The following LRAT variants were observed in gnomAD, a reference collection of about 807,000 sequenced individuals.
LRAT encodes the protein lecithin retinol acyltransferase, also known as lecithin retinol acyltransferase (phosphatidylcholine--retinol O-acyltransferase).
In LRAT, 11 loss-of-function variants were observed where a neutral mutation model predicts 14.2. The ratio of observed to expected loss-of-function variants is 0.78; its 90% confidence interval spans 0.49 to 1.29. LRAT has a LOEUF of 1.29. Among genes scored for constraint, LRAT ranks in the 50% most tolerant of loss-of-function variants. LRAT has a pLI of 0.00. For synonymous variants in LRAT, 144 were observed against 124.8 expected, an observed-to-expected ratio of 1.15 and a Z score of -1.03; for missense variants, 274 against 292.4, an observed-to-expected ratio of 0.94 and a Z score of 0.46.
Position 154,750,072 on chromosome 4 carries a change from T to C in LRAT, c.*936T>C. The C allele has an allele frequency of 6.6e-6, 1 of 152,164 alleles. No individual in the cohort carries two copies. The highest frequency in any genetic ancestry group is 1.9e-4 in the East Asian group (1 of 5,202). 9.4% of individuals were successfully genotyped at this position (152,164 alleles called of 1,614,324 possible). On this transcript the variant is annotated 3_prime_UTR_variant, in exon 3 of 3. Coordinates refer to ENST00000336356, the MANE Select transcript of LRAT (RefSeq NM_004744.5). The stretch of plus-strand genomic sequence containing the variant: ...AAAGTAAGTCCAATCTATTTTCTTA[T>C]GTCATTGAATTTGTAGTGTTAACTT...
In LRAT at chr4:154,744,971, C is replaced by A. The variant is rs1732852697; in HGVS notation, c.540+105C>A. 9 of 1,000,324 alleles carry A rather than the reference C, an allele frequency of 9.0e-6. No homozygotes were observed. In the Admixed American group the frequency reaches 1.1e-4, roughly 12 times the overall value. 62.0% of individuals were successfully genotyped at this position (1,000,324 alleles called of 1,614,324 possible). ...GTAGGGATCTAATTCCTGGACACCT[C>A]CCCTACCACTTCCATACCATCCTTT... On this transcript the variant is annotated intron_variant, in intron 2 of 2. Transcript: ENST00000336356.
chr4:154,744,936 T>G, intron 2 of LRAT, 70 bp downstream of exon 2: 42 of 1,486,176 alleles, frequency 2.8e-5, no homozygotes, highest in Non-Finnish European at 3.4e-5. Flanking sequence ...ACCTTTTCTC[T>G]TCCCCGCGAG....
rs1285625830 is a variant in LRAT at position 154,744,855 on chromosome 4, C to T, written c.529C>T (p.Gln177Ter). ...YCRYGTPISPQSDKFCETVKI... is the reference protein window; with the variant it reads ...YCRYGTPISP ...CAGATATGGCACCCCGATCAGTCCCCAGTCCGACAAGGTATGATGTGTGAC... is the reference window on the plus strand; with the variant it reads ...CAGATATGGCACCCCGATCAGTCCCTAGTCCGACAAGGTATGATGTGTGAC... Residue 177 changes from glutamine to a stop codon, truncating the protein, a stop_gained, in exon 2 of 3, where the codon CAG becomes TAG. Coordinates refer to ENST00000336356, the MANE Select transcript of LRAT (RefSeq NM_004744.5). LOFTEE classifies it high-confidence loss of function. 1 of 1,613,386 alleles carries T rather than the reference C, an allele frequency of 6.2e-7. No individual in the cohort carries two copies. Among genetic ancestry groups the T allele is most frequent in the Admixed American group, 1.7e-5 (1 of 60,014 alleles).
chr4:154,743,874 C>T (rs1482836513), upstream of LRAT: 3 of 148,874 alleles, frequency 2.0e-5, no homozygotes, highest in Admixed American at 6.7e-5. Flanking sequence ...ACCGGGATCC[C>T]GCGTCCTCCC....
rs1208290205 is a variant in LRAT at position 154,752,331 on chromosome 4, G to A, written c.*3195G>A. On this transcript the variant is annotated 3_prime_UTR_variant, in exon 3 of 3. Transcript: ENST00000336356. ...GGCACATAGCTGTGAGGTACCCTAT[G>A]AGTTGTTGACTTGAAAACATGGAAC... 1 of 152,210 alleles carries A rather than the reference G, an allele frequency of 6.6e-6. No homozygotes were observed. The highest frequency in any genetic ancestry group is 1.9e-4 in the East Asian group (1 of 5,188). The allele number at this position is 152,210 out of a possible 1,614,324, so 9.4% of individuals were successfully genotyped here. A position where few individuals can be genotyped will look rare whatever the true frequency, so the allele number is the denominator to read the frequency against.
intron 2 of LRAT, chr4:154,748,492 T>A: frequency 1.6e-6 from 1 of 642,730 alleles, no homozygotes; most frequent in Non-Finnish European, 1.9e-6. Context: ...ACAATAAAAT[T>A]AGACTTTCTA....
chr4:154,745,062 A>G lies in LRAT; in HGVS notation c.540+196A>G, dbSNP rs529550545. Among the ~76,000 whole-genome samples, 205 of 118,032 alleles carry G rather than the reference A, an allele frequency of 1.7e-3. 2 individuals carry two copies. Among genetic ancestry groups the G allele is most frequent in the Non-Finnish European group, 9.1e-4 (57 of 62,424 alleles). The allele number at this position is 118,032 out of a possible 152,430, so 77.4% of individuals were successfully genotyped here. ...GAGACGGAGTCTCGCTCTGTTGCTCAGGCTGGAGTGCAGTGGCGCGATCTC... is the reference window on the plus strand; with the variant it reads ...GAGACGGAGTCTCGCTCTGTTGCTCGGGCTGGAGTGCAGTGGCGCGATCTC... On this transcript the variant is annotated intron_variant, in intron 2 of 2. Coordinates refer to ENST00000336356, the MANE Select transcript of LRAT (RefSeq NM_004744.5).
At chr4:154,748,389 G>T in intron 2 of LRAT, 3 of 989,102 alleles carry the variant, frequency 3.0e-6, no homozygotes, top group Non-Finnish European at 3.6e-6. Flanking sequence ...TTCCTCAGGG[G>T]TAAGGACAAT....
Position 154,744,201 on chromosome 4 carries a change from C to A in LRAT, c.-23C>A. The A allele has an allele frequency of 9.9e-7, 1 of 1,009,280 alleles. No individual in the cohort carries two copies. The highest frequency in any genetic ancestry group is 1.5e-6 in the Non-Finnish European group (1 of 654,300). 62.5% of individuals were successfully genotyped at this position (1,009,280 alleles called of 1,614,324 possible). A position where few individuals can be genotyped will look rare whatever the true frequency, so the allele number is the denominator to read the frequency against. ...CTCTCCTCAGCGGCCGTACTTTGCG[C>A]CGTACCTCACCTGGCCTGCAGGTGA... On this transcript the variant is annotated 5_prime_UTR_variant, in exon 1 of 3. Coordinates refer to ENST00000336356, the MANE Select transcript of LRAT (RefSeq NM_004744.5).
In LRAT at chr4:154,752,061, G is replaced by A. The variant is rs1733008625; in HGVS notation, c.*2925G>A. ...GAAATGATGAATGAGGCATGGACCT[G>A]TTCCTCAGAGTTTATGGCCCAGTAG... On this transcript the variant is annotated 3_prime_UTR_variant, in exon 3 of 3. Transcript: ENST00000336356. 6.6e-6 allele frequency: 1 copy of A among 152,198 alleles called. No individual in the cohort carries two copies. The highest frequency in any genetic ancestry group is 1.9e-4 in the East Asian group (1 of 5,190). 9.4% of individuals were successfully genotyped at this position (152,198 alleles called of 1,614,324 possible). A position where few individuals can be genotyped will look rare whatever the true frequency, so the allele number is the denominator to read the frequency against.
At chr4:154,741,079 G>C (rs1560868671), upstream of LRAT, among the ~76,000 whole-genome samples, 1 of 151,994 alleles carries the variant, frequency 6.6e-6, no homozygotes, top group Admixed American at 6.6e-5. Flanking sequence ...TTTTTATGAA[G>C]TGTGCCTCCA....
rs1733000867 is a variant in LRAT, at chr4:154,751,762, A to AG, written c.*2626_*2627insG. On this transcript the variant is annotated 3_prime_UTR_variant, in exon 3 of 3. Transcript: ENST00000336356. Reference sequence around the variant, plus strand: ...AAAAAAAAAAAAAAAAAAAAAAAAAAAAGAAGAAGAAACCCTGAGCCATTA... The same window carrying AG: ...AAAAAAAAAAAAAAAAAAAAAAAAAAGAAGAAGAAGAAACCCTGAGCCATTA... The AG allele has an allele frequency of 1.1e-5, 1 of 90,988 alleles. No homozygotes were observed. The highest frequency in any genetic ancestry group is 3.4e-5 in the African/African-American group (1 of 29,414). The allele number at this position is 90,988 out of a possible 1,614,324, so 5.6% of individuals were successfully genotyped here. A position where few individuals can be genotyped will look rare whatever the true frequency, so the allele number is the denominator to read the frequency against.
Position 154,751,947 on chromosome 4 carries a change from A to C in LRAT, c.*2811A>C, listed in dbSNP as rs1733005702. On this transcript the variant is annotated 3_prime_UTR_variant, in exon 3 of 3. Coordinates refer to ENST00000336356, the MANE Select transcript of LRAT (RefSeq NM_004744.5). The stretch of plus-strand genomic sequence containing the variant: ...GATGAAGTTTTTTCATGCTTATTTT[A>C]TTCTTTGTCACAGATGAAAGAAGAA... The C allele has an allele frequency of 6.6e-6, 1 of 152,088 alleles. No individual in the cohort carries two copies. The allele number at this position is 152,088 out of a possible 1,614,324, so 9.4% of individuals were successfully genotyped here. A position where few individuals can be genotyped will look rare whatever the true frequency, so the allele number is the denominator to read the frequency against.
Position 154,744,115 on chromosome 4 carries a change from A to G in LRAT, c.-109A>G. 2 of 600,236 alleles carry G rather than the reference A, an allele frequency of 3.3e-6. No homozygotes were observed. The highest frequency in any genetic ancestry group is 1.9e-5 in the South Asian group (1 of 51,654). The allele number at this position is 600,236 out of a possible 1,614,324, so 37.2% of individuals were successfully genotyped here. On this transcript the variant is annotated 5_prime_UTR_variant, in exon 1 of 3. Transcript: ENST00000336356. ...CAGCCACCGGTTCCTTATCCGTCTC[A>G]TTCCCCATTGTGGCTTGGCTGAGCC...
Position 154,744,542 on chromosome 4 carries a change from CAT to C in LRAT, c.217_218del (p.Met73AspfsTer48), listed in dbSNP as rs1560870755. The C allele has an allele frequency of 3.7e-6, 6 of 1,614,148 alleles. No homozygotes were observed. Among genetic ancestry groups the C allele is most frequent in the Non-Finnish European group, 4.2e-6 (5 of 1,180,028 alleles). On this transcript the variant is annotated frameshift_variant, in exon 2 of 3. Transcript: ENST00000336356. LOFTEE classifies it high-confidence loss of function. ...ACCTAGGAGACAACCGTGTTGCCCA[CAT>C]GATGCCCGACATCCTGTTGGCCCTG... is the stretch of plus-strand genomic sequence containing the variant. ...IYLGDNRVAHMMPDILLALTD... is the reference protein window; with the variant it reads ...IYLGDNRVAHXMPDILLALTD...
In LRAT at chr4:154,748,131, T is replaced by C. The variant is rs917256371; in HGVS notation, c.541-853T>C. 63 of 666,170 alleles carry C rather than the reference T, an allele frequency of 9.5e-5. No individual in the cohort carries two copies. The African/African-American group carries it at 1.0e-3, about 11-fold the overall frequency. 41.3% of individuals were successfully genotyped at this position (666,170 alleles called of 1,614,324 possible). Reference sequence around the variant, plus strand: ...GGCATCAACGGCAATATGGTAGAGATAACTGTCAACAAATAGAGTACTAAT... The same window carrying C: ...GGCATCAACGGCAATATGGTAGAGACAACTGTCAACAAATAGAGTACTAAT... On this transcript the variant is annotated intron_variant, in intron 2 of 2. Transcript: ENST00000336356.
chr4:154,744,263 T>C (rs1732828191), intron 1 of LRAT, 41 bp downstream of exon 1: 2 of 1,575,362 alleles, frequency 1.3e-6, no homozygotes, highest in Non-Finnish European at 1.7e-6. Context: ...GAGCTTAACT[T>C]GCCCAGCCCG....
chr4:154,745,159 C>T (rs1393020588), intron 2 of LRAT, among the ~76,000 whole-genome samples: 1 of 151,758 alleles, frequency 6.6e-6, no homozygotes. Context: ...GCTGGGACTA[C>T]AGGCACCCGC....
chr4:154,742,459 G>T (rs942677529), upstream of LRAT, among the ~76,000 whole-genome samples: 3 of 152,042 alleles, frequency 2.0e-5, no homozygotes, highest in Non-Finnish European at 2.9e-5. Context: ...TTTCCCTCAC[G>T]CCTGGTCTCT....
Sources: allele counts gnomAD v4.1 joint callset (sites outside exome capture counted in the v4.1 genomes callset), GRCh38; gene constraint gnomAD v4.1.1; transcripts MANE v1.5; gene names NCBI Gene and HGNC (gene_info 2026-07-23, HGNC 2026-07-21).